The following DCC variants were observed in gnomAD, a reference collection of about 807,000 sequenced individuals.
DCC encodes DCC netrin 1 receptor.
A neutral mutation model predicts 172.5 loss-of-function variants in DCC; 58 were observed. That is an observed-to-expected ratio of 0.34 (90% CI 0.27 to 0.42). The LOEUF is 0.42. DCC is among the 10% of genes least tolerant of loss of function. The pLI is 1.00. For missense variants in DCC, 1,740 were observed against 1,791.0 expected (o/e 0.97, Z 0.51); for synonymous variants, 709 against 644.5 (o/e 1.10, Z -1.52).
chr18:53,129,497 A>G (rs1388187967), intron 7 of DCC, among the ~76,000 whole-genome samples: 1 of 152,054 alleles, frequency 6.6e-6, no homozygotes, highest in Non-Finnish European at 1.5e-5. Flanking sequence ...CCTCTCCCTC[A>G]TATACACATA....
chr18:52,896,048 G>A (rs561188481), intron 2 of DCC, among the ~76,000 whole-genome samples: 2 of 152,246 alleles, frequency 1.3e-5, no homozygotes, highest in African/African-American at 2.4e-5. Flanking sequence ...GCCTCCCAAA[G>A]TGCTAGGATT....
intron 1 of DCC, among the ~76,000 whole-genome samples, chr18:52,427,649 A>T (rs1418312222): frequency 1.3e-5 from 2 of 151,982 alleles, no homozygotes; most frequent in African/African-American, 4.8e-5. Flanking sequence ...CAGTACCTAT[A>T]AGGCCCCCTG....
At chr18:52,361,816 T>C (rs1984630284) in intron 1 of DCC, among the ~76,000 whole-genome samples, 1 of 152,232 alleles carries the variant, frequency 6.6e-6, no homozygotes, top group Non-Finnish European at 1.5e-5. Flanking sequence ...GAGCTGTGAG[T>C]TACTCATGAA....
chr18:52,973,989 C>T (rs1476287445), intron 5 of DCC, among the ~76,000 whole-genome samples: 6 of 151,964 alleles, frequency 3.9e-5, no homozygotes, highest in Non-Finnish European at 7.4e-5. Context: ...GTTTAAATAA[C>T]AGATGACCCT....
intron 5 of DCC, among the ~76,000 whole-genome samples, chr18:52,931,173 G>A (rs1333239514): frequency 6.6e-6 from 1 of 151,906 alleles, no homozygotes; most frequent in Non-Finnish European, 1.5e-5. Context: ...ATGAATATTT[G>A]TATAATGTTT....
chr18:53,142,950 A>G (rs1244692786), intron 7 of DCC, among the ~76,000 whole-genome samples: 4 of 142,384 alleles, frequency 2.8e-5, no homozygotes, highest in East Asian at 2.4e-4. Context: ...AGGTATCTCA[A>G]TCTGGGTATA....
At chr18:52,970,475 A>G (rs2041012372) in intron 5 of DCC, among the ~76,000 whole-genome samples, 1 of 152,170 alleles carries the variant, frequency 6.6e-6, no homozygotes, top group Non-Finnish European at 1.5e-5. Context: ...AAGTATGTAT[A>G]TATATCAACA....
At chr18:53,236,855 T>A (rs1002591416) in intron 12 of DCC, among the ~76,000 whole-genome samples, 1 of 152,068 alleles carries the variant, frequency 6.6e-6, no homozygotes, top group Non-Finnish European at 1.5e-5. Flanking sequence ...TTAGTGCCTT[T>A]CTTGAAAACA....
At chr18:53,222,590 A>G (rs563917898) in intron 12 of DCC, among the ~76,000 whole-genome samples, 1 of 151,194 alleles carries the variant, frequency 6.6e-6, no homozygotes, top group East Asian at 1.9e-4. Flanking sequence ...GTTTCACCAT[A>G]TTGTCCAGGC....
intron 5 of DCC, among the ~76,000 whole-genome samples, chr18:53,047,276 A>ATATATATAATTT (rs1568268048): frequency 0.023 from 748 of 32,030 alleles, 60 homozygotes; most frequent in African/African-American, 0.09. Flanking sequence ...ATATATATAT[A>ATATATATAATTT]TATATATATA....
chr18:53,390,612 C>T (rs1457913991), intron 16 of DCC, among the ~76,000 whole-genome samples: 1 of 152,078 alleles, frequency 6.6e-6, no homozygotes, highest in Non-Finnish European at 1.5e-5. Context: ...GTGTAAATGT[C>T]TTAAGTACAA....
At chr18:52,692,693 A>G (rs2035946563) in intron 1 of DCC, among the ~76,000 whole-genome samples, 1 of 152,064 alleles carries the variant, frequency 6.6e-6, no homozygotes, top group South Asian at 2.1e-4. Context: ...TGGTCTCCCA[A>G]AGAATTGGGA....
chr18:53,508,674 C>A (rs970868923), intron 27 of DCC, among the ~76,000 whole-genome samples: 8 of 152,150 alleles, frequency 5.3e-5, no homozygotes, highest in African/African-American at 1.9e-4. Context: ...TGAGCTGACA[C>A]ATTAGAATAC....
At chr18:53,468,782 C>T (rs2045659733) in intron 25 of DCC, among the ~76,000 whole-genome samples, 1 of 152,074 alleles carries the variant, frequency 6.6e-6, no homozygotes, top group Non-Finnish European at 1.5e-5. Flanking sequence ...ACTTACTACA[C>T]ACCCCTTGTT....
At chr18:52,738,692 A>G (rs1428268014) in intron 1 of DCC, among the ~76,000 whole-genome samples, 1 of 150,150 alleles carries the variant, frequency 6.7e-6, no homozygotes, top group Non-Finnish European at 1.5e-5. Context: ...ACCTTAGCTT[A>G]CTGTAACTTT....
At chr18:53,044,280 A>G (rs2144010724) in intron 5 of DCC, among the ~76,000 whole-genome samples, 1 of 152,014 alleles carries the variant, frequency 6.6e-6, no homozygotes, top group Middle Eastern at 3.4e-3. Flanking sequence ...GAAAAAAGAG[A>G]AAAATGAATA....
intron 1 of DCC, among the ~76,000 whole-genome samples, chr18:52,378,449 G>A (rs1985446897): frequency 6.6e-6 from 1 of 151,176 alleles, no homozygotes; most frequent in Non-Finnish European, 1.5e-5. Flanking sequence ...AGGAACATAA[G>A]ATAAATATAT....
chr18:53,297,015 A>C (rs912593110), intron 12 of DCC, among the ~76,000 whole-genome samples: 2 of 152,182 alleles, frequency 1.3e-5, no homozygotes, highest in African/African-American at 4.8e-5. Context: ...CCTGAAGGTC[A>C]CTCTGGAGAG....
intron 12 of DCC, among the ~76,000 whole-genome samples, chr18:53,254,327 G>C (rs566286638): frequency 2.0e-5 from 3 of 151,962 alleles, no homozygotes; most frequent in Non-Finnish European, 1.5e-5. Flanking sequence ...TTACTAAAGT[G>C]GTCATGAATA....
Sources: gnomAD v4.1 joint callset for allele counts (sites outside exome capture counted in the v4.1 genomes callset) on GRCh38, gnomAD v4.1.1 for gene constraint, MANE v1.5 for transcripts, NCBI Gene and HGNC (gene_info 2026-07-23, HGNC 2026-07-21) for gene names.